The following STIM2 variants were observed in gnomAD, a reference collection of about 807,000 sequenced individuals.
The protein encoded by STIM2 is stromal interaction molecule 2.
In STIM2, 31 loss-of-function variants were observed where a neutral mutation model predicts 85.8. The ratio of observed to expected loss-of-function variants is 0.36; its 90% CI spans 0.27 to 0.49. The LOEUF is 0.49. STIM2 is among the 20% of genes least tolerant of loss of function. STIM2 has a pLI of 0.98. For missense variants in STIM2, 841 were observed against 927.6 expected (o/e 0.91, Z 1.21); for synonymous variants, 356 against 331.1 (o/e 1.08, Z -0.82).
In STIM2 at chr4:27,008,394, A is replaced by G. The variant is rs772725605; in HGVS notation, c.1150-34A>G. 4 of 1,380,250 alleles carry G rather than the reference A, an allele frequency of 2.9e-6. No individual in the cohort carries two copies. The South Asian group carries it at 5.6e-5, about 19-fold the overall frequency. The allele number at this position is 1,380,250 out of a possible 1,614,324, so 85.5% of individuals were successfully genotyped here. ...TACAAAAATGTCTGTATTTTTTTCA[A>G]ACCTAGCCTTATTTAGTCCTTTTCG... On this transcript the variant is annotated intron_variant, in intron 8 of 11. Coordinates refer to ENST00000467087, the MANE Select transcript of STIM2 (RefSeq NM_020860.4).
chr4:27,002,849 C>G, intron 6 of STIM2, 78 bp from the exon 7 acceptor site: 1 of 1,221,704 alleles, frequency 8.2e-7, no homozygotes, highest in South Asian at 1.9e-5. Context: ...AATCGCTTGA[C>G]CCAGTATTCA....
In STIM2 at chr4:26,861,028, G is replaced by C; in HGVS notation, c.-191G>C. 3 of 1,227,964 alleles carry C rather than the reference G, an allele frequency of 2.4e-6. No individual in the cohort carries two copies. Among genetic ancestry groups the C allele is most frequent in the Non-Finnish European group, 3.1e-6 (3 of 980,290 alleles). The allele number at this position is 1,227,964 out of a possible 1,614,324, so 76.1% of individuals were successfully genotyped here. A position where few individuals can be genotyped will look rare whatever the true frequency, so the allele number is the denominator to read the frequency against. On this transcript the variant is annotated 5_prime_UTR_variant, in exon 1 of 12. Transcript: ENST00000467087. Reference sequence around the variant, plus strand: ...GGGACCAGGCTGGCGCCCGGCGGGAGCCCGTGTCTGAGGCGGCGGGGGCGG... The same window carrying C: ...GGGACCAGGCTGGCGCCCGGCGGGACCCCGTGTCTGAGGCGGCGGGGGCGG...
intron 2 of STIM2, among the ~76,000 whole-genome samples, chr4:26,955,681 T>C (rs2109092024): frequency 6.7e-6 from 1 of 148,308 alleles, no homozygotes; most frequent in East Asian, 1.9e-4. Flanking sequence ...ACAGATTACA[T>C]AGATTTTTTT....
chr4:26,881,991 G>A (rs2109036967), intron 1 of STIM2, among the ~76,000 whole-genome samples: 1 of 152,242 alleles, frequency 6.6e-6, no homozygotes. Context: ...ATTGCTTTCT[G>A]GAAGGATTGT....
At chr4:26,951,475 C>T (rs1726049339) in intron 2 of STIM2, among the ~76,000 whole-genome samples, 1 of 152,104 alleles carries the variant, frequency 6.6e-6, no homozygotes, top group Non-Finnish European at 1.5e-5. Context: ...TTGTTTGTTT[C>T]TGGTCATCTC....
At chr4:26,874,736 A>G (rs545966851) in intron 1 of STIM2, among the ~76,000 whole-genome samples, 3 of 152,332 alleles carry the variant, frequency 2.0e-5, no homozygotes, top group African/African-American at 7.2e-5. Context: ...ATCAGTAAGT[A>G]TTAGGCATAG....
At chr4:27,020,942 A>G (rs1039011121) in intron 11 of STIM2, 3 of 1,486,910 alleles carry the variant, frequency 2.0e-6, no homozygotes, top group Admixed American at 3.9e-5. Flanking sequence ...TTCTTTTGCC[A>G]CTTTTTACCT....
intron 10 of STIM2, 69 bp from the exon 11 acceptor site, chr4:27,017,638 GTGTA>G: frequency 6.4e-7 from 1 of 1,557,774 alleles, no homozygotes; most frequent in East Asian, 2.3e-5. Flanking sequence ...GTTCTCTTGT[GTGTA>G]TGTATTTGTG....
intron 2 of STIM2, among the ~76,000 whole-genome samples, chr4:26,928,989 A>G (rs1232088728): frequency 2.0e-5 from 3 of 152,186 alleles, no homozygotes; most frequent in African/African-American, 7.2e-5. Flanking sequence ...GTAGAAATCC[A>G]CTGTCCAGTG....
chr4:26,946,805 C>T (rs1725850178), intron 2 of STIM2, among the ~76,000 whole-genome samples: 1 of 152,122 alleles, frequency 6.6e-6, no homozygotes, highest in Non-Finnish European at 1.5e-5. Flanking sequence ...TTTGTGGTTT[C>T]TTATAATTCG....
intron 6 of STIM2, 98 bp downstream of exon 6, chr4:27,002,492 A>T (rs1318103386): frequency 1.1e-6 from 1 of 901,364 alleles, no homozygotes; most frequent in African/African-American, 1.7e-5. Context: ...TTAGGTTATT[A>T]TACACATCAG....
At position 27,012,394 on chromosome 4, in the gene STIM2, ATCTT is replaced by A. The variant is rs760677114; in HGVS notation, c.1489+3394_1489+3397del. On this transcript the variant is annotated intron_variant, in intron 10 of 11. Transcript: ENST00000467087. ...AATTCCATTTATCGAGATCTTTTCT[ATCTT>A]TAAGTAAAATTGATAATTTATTTTC... is the stretch of plus-strand genomic sequence containing the variant. Among the ~76,000 whole-genome samples the A allele has an allele frequency of 4.6e-5, 7 of 151,962 alleles. No homozygotes were observed. In the East Asian group the frequency reaches 1.2e-3, roughly 25 times the overall value.
chr4:26,892,530 G>A (rs1039884243), intron 1 of STIM2, among the ~76,000 whole-genome samples: 1 of 151,916 alleles, frequency 6.6e-6, no homozygotes, highest in African/African-American at 2.4e-5. Flanking sequence ...AATTTTTTTG[G>A]GGGGGGACGC....
chr4:26,965,320 A>T (rs1290595098), intron 3 of STIM2, among the ~76,000 whole-genome samples: 6 of 152,176 alleles, frequency 3.9e-5, no homozygotes. Context: ...GTCAACCAAC[A>T]TTTAAGGGAG....
intron 1 of STIM2, among the ~76,000 whole-genome samples, chr4:26,863,779 G>A (rs535781849): frequency 4.6e-5 from 7 of 152,148 alleles, no homozygotes; most frequent in Non-Finnish European, 8.8e-5. Flanking sequence ...AAAGCATTCT[G>A]AGAGAAGAAT....
At chr4:26,995,525 AG>A (rs1348565923) in intron 4 of STIM2, 35 bp downstream of exon 4, 5 of 1,391,776 alleles carry the variant, frequency 3.6e-6, no homozygotes, top group Non-Finnish European at 5.0e-6. Flanking sequence ...TTTTCCACTC[AG>A]GGAGAATTAT....
intron 2 of STIM2, among the ~76,000 whole-genome samples, chr4:26,954,983 G>C (rs1726190626): frequency 6.9e-6 from 1 of 145,760 alleles, no homozygotes. Context: ...ACTTTATTAG[G>C]AATTTTATTT....
intron 1 of STIM2, among the ~76,000 whole-genome samples, chr4:26,885,262 C>T (rs949888177): frequency 6.6e-6 from 1 of 152,120 alleles, no homozygotes; most frequent in African/African-American, 2.4e-5. Context: ...CATCAGTATA[C>T]AGCTCATTTC....
intron 4 of STIM2, 152 bp from the exon 5 acceptor site, chr4:26,999,080 C>G (rs957410799): frequency 1.0e-5 from 3 of 287,928 alleles, no homozygotes; most frequent in Non-Finnish European, 1.9e-5. Context: ...AAACATGTAA[C>G]AAATTATTAA....
Sources: gnomAD v4.1 joint callset for allele counts (sites outside exome capture counted in the v4.1 genomes callset) on GRCh38, gnomAD v4.1.1 for gene constraint, MANE v1.5 for transcripts, NCBI Gene and HGNC (gene_info 2026-07-23, HGNC 2026-07-21) for gene names.